Variants in KREMEN1 observed in about 807,000 individuals in gnomAD.
KREMEN1 encodes the protein kringle containing transmembrane protein 1, also known as kremen protein 1.
KREMEN1 carries 30 observed loss-of-function variants against 46.5 expected under a neutral mutation model. The observed-to-expected ratio is 0.65, with a 90% confidence interval of 0.48 to 0.88. The LOEUF (loss-of-function observed/expected upper bound fraction) is 0.88, where lower values mean the gene tolerates loss of function less well. KREMEN1 is among the 40% of genes least tolerant of loss of function. The pLI is 0.00. For missense variants in KREMEN1, 533 were observed against 596.9 expected (o/e 0.89, Z 1.11); for synonymous variants, 214 against 230.6 (o/e 0.93, Z 0.65).
chr22:29,086,969 C>T (rs1390844182), intron 1 of KREMEN1, among the ~76,000 whole-genome samples: 1 of 151,994 alleles, frequency 6.6e-6, no homozygotes, highest in African/African-American at 2.4e-5. Context: ...CCCTATGTTG[C>T]CCAGGCTGGT....
exon 10 of KREMEN1, chr22:29,167,097 A>G: frequency 6.4e-7 from 1 of 1,551,614 alleles, no homozygotes; most frequent in South Asian, 1.2e-5. Context: ...GGCAGCCCAG[A>G]AGTATCTGAC....
At chr22:29,166,678 C>A (rs2039055124) in intron 9 of KREMEN1, among the ~76,000 whole-genome samples, 1 of 152,186 alleles carries the variant, frequency 6.6e-6, no homozygotes, top group Admixed American at 6.5e-5. Flanking sequence ...GTAGCTCACA[C>A]CTGTAGTCCC....
At chr22:29,100,430 A>G (rs1394245400) in intron 3 of KREMEN1, among the ~76,000 whole-genome samples, 1 of 152,138 alleles carries the variant, frequency 6.6e-6, no homozygotes, top group East Asian at 1.9e-4. Flanking sequence ...AAAGATTATA[A>G]TGGAGCTGAA....
Position 29,142,107 on chromosome 22 carries a change from G to A in KREMEN1, c.1372G>A (p.Asp458Asn). The change falls in exon 9 of 9, where the codon GAC (aspartate) becomes AAC (asparagine). Residue 458 changes from aspartate to asparagine, a missense_variant. Transcript: ENST00000400335. Reference protein sequence around the residue: ...QQDDRNPLVSD With the variant: ...QQDDRNPLVSN ...AGATGACCGCAATCCCCTTGTGAGT[G>A]ACTAAAAACCCCACTGTGCCTAGGA... 1 of 1,596,424 alleles carries A rather than the reference G, an allele frequency of 6.3e-7. No individual in the cohort carries two copies. The highest frequency in any genetic ancestry group is 8.5e-7 in the Non-Finnish European group (1 of 1,172,270).
chr22:29,124,786 C>A (rs936672399), intron 4 of KREMEN1, among the ~76,000 whole-genome samples: 1 of 152,160 alleles, frequency 6.6e-6, no homozygotes, highest in Non-Finnish European at 1.5e-5. Flanking sequence ...AGCCACCATG[C>A]CCGGCTGTGG....
Position 29,137,431 on chromosome 22 carries a change from G to T in KREMEN1, c.721G>T (p.Val241Phe). The T allele has an allele frequency of 6.3e-7, 1 of 1,589,820 alleles. No homozygotes were observed. Among genetic ancestry groups the T allele is most frequent in the Non-Finnish European group, 8.6e-7 (1 of 1,160,420 alleles). The change falls in exon 6 of 9, where the codon GTC (valine) becomes TTC (phenylalanine). Residue 241 changes from valine (V) to phenylalanine (F), a missense_variant. Transcript: ENST00000400335. ...DFPDTYATGR[V>F]CYWTIRVPGA... is the part of the protein sequence containing the mutation. ...CCCCGACACCTATGCCACGGGGAGG[G>T]TCTGCTACTGGACCATCCGGGTTCC... is the stretch of plus-strand genomic sequence containing the variant.
intron 9 of KREMEN1, among the ~76,000 whole-genome samples, chr22:29,164,847 T>C (rs1268762035): frequency 6.6e-6 from 1 of 151,418 alleles, no homozygotes; most frequent in Non-Finnish European, 1.5e-5. Context: ...GCATGGTGGC[T>C]CACACCTGTA....
chr22:29,146,854 T>A (rs2038873572), downstream of KREMEN1: 1 of 908,760 alleles, frequency 1.1e-6, no homozygotes, highest in African/African-American at 1.8e-5. Context: ...TCTATGGGAG[T>A]TCCCCAGAGA....
chr22:29,164,865 C>G (rs1042374087), intron 9 of KREMEN1, among the ~76,000 whole-genome samples: 4 of 151,942 alleles, frequency 2.6e-5, no homozygotes, highest in Non-Finnish European at 1.5e-5. Flanking sequence ...GTAATCCCAG[C>G]ACTTTGGGAT....
chr22:29,131,251 ATAGT>A (rs1215456848), intron 5 of KREMEN1, among the ~76,000 whole-genome samples: 1 of 152,032 alleles, frequency 6.6e-6, no homozygotes, highest in East Asian at 1.9e-4. Flanking sequence ...GCTCAAATTC[ATAGT>A]TAGTACATGG....
chr22:29,109,195 C>G (rs2038105239), intron 3 of KREMEN1, among the ~76,000 whole-genome samples: 1 of 152,052 alleles, frequency 6.6e-6, no homozygotes. Flanking sequence ...CTTTCTGAAC[C>G]AAATGGATAT....
chr22:29,156,195 C>T (rs1166592316), intron 9 of KREMEN1, among the ~76,000 whole-genome samples: 1 of 152,184 alleles, frequency 6.6e-6, no homozygotes, highest in African/African-American at 2.4e-5. Flanking sequence ...ACTGCCCTGC[C>T]CCACCCTGAG....
intron 1 of KREMEN1, among the ~76,000 whole-genome samples, chr22:29,084,127 AG>A (rs1245397374): frequency 1.3e-5 from 2 of 150,128 alleles, no homozygotes; most frequent in African/African-American, 4.8e-5. Flanking sequence ...TGGTGCTTGT[AG>A]GAGTGTCTTT....
chr22:29,086,027 T>TTG (rs2037723397), intron 1 of KREMEN1, among the ~76,000 whole-genome samples: 1 of 10,940 alleles, frequency 9.1e-5, no homozygotes, highest in Admixed American at 4.8e-4. Flanking sequence ...GGAGGTGAGG[T>TTG]TTTTTTTTTT....
At chr22:29,112,034 G>A (rs1489442501) in intron 3 of KREMEN1, among the ~76,000 whole-genome samples, 1 of 152,162 alleles carries the variant, frequency 6.6e-6, no homozygotes, top group South Asian at 2.1e-4. Flanking sequence ...TAGAAAGAAA[G>A]CAGGGACTTT....
At chr22:29,094,475 T>G (rs2145762661) in intron 2 of KREMEN1, 55 bp downstream of exon 2, 1 of 1,478,154 alleles carries the variant, frequency 6.8e-7, no homozygotes, top group East Asian at 2.3e-5. Context: ...TAGTCTCTTC[T>G]TCCAACCCCT....
chr22:29,113,998 T>C (rs1321329979), intron 3 of KREMEN1, among the ~76,000 whole-genome samples: 1 of 152,208 alleles, frequency 6.6e-6, no homozygotes, highest in Admixed American at 6.5e-5. Context: ...TCTAATGTTC[T>C]GAGGTTGCAG....
intron 1 of KREMEN1, among the ~76,000 whole-genome samples, chr22:29,086,939 T>A (rs1281926942): frequency 1.3e-5 from 2 of 152,110 alleles, no homozygotes; most frequent in Non-Finnish European, 2.9e-5. Context: ...TTAATTTTAA[T>A]TTTGTAGAGA....
chr22:29,082,786 A>G (rs1409486909), intron 1 of KREMEN1, among the ~76,000 whole-genome samples: 1 of 152,200 alleles, frequency 6.6e-6, no homozygotes, highest in East Asian at 1.9e-4. Context: ...GTTTCTATAG[A>G]AGTTAGTGCT....
Sources: allele counts gnomAD v4.1 joint callset (sites outside exome capture counted in the v4.1 genomes callset), GRCh38; gene constraint gnomAD v4.1.1; transcripts MANE v1.5; gene names NCBI Gene and HGNC (gene_info 2026-07-23, HGNC 2026-07-21).